The following MSR1 variants were observed in gnomAD, a reference collection of about 807,000 sequenced individuals.
MSR1 encodes macrophage scavenger receptor types I and II.
In MSR1, 53 loss-of-function variants were observed where a neutral mutation model predicts 47.2. The ratio of observed to expected loss-of-function variants is 1.12; its 90% confidence interval spans 0.90 to 1.41. The LOEUF is 1.41. Ranked by LOEUF, MSR1 falls within the 40% of genes most tolerant of loss-of-function variation. The pLI is 0.00. For missense variants in MSR1, 786 were observed against 546.9 expected (o/e 1.44, Z -4.36); for synonymous variants, 239 against 185.6 (o/e 1.29, Z -2.34).
chr8:16,138,242 T>A (rs1563146901), intron 8 of MSR1, among the ~76,000 whole-genome samples: 1 of 152,086 alleles, frequency 6.6e-6, no homozygotes, highest in African/African-American at 2.4e-5. Flanking sequence ...AAACCACATA[T>A]TGGTAATTGA....
chr8:16,175,396 G>T (rs1270001726), intron 2 of MSR1, 96 bp from the exon 3 acceptor site: 2 of 999,566 alleles, frequency 2.0e-6, no homozygotes, highest in East Asian at 2.6e-5. Flanking sequence ...TTACTACCAA[G>T]CCTATTGGAA....
At chr8:16,181,706 G>C (rs1697595378) in intron 1 of MSR1, among the ~76,000 whole-genome samples, 1 of 151,718 alleles carries the variant, frequency 6.6e-6, no homozygotes, top group African/African-American at 2.4e-5. Context: ...GTAAATGATG[G>C]GTTGATGGGT....
At chr8:16,150,853 C>CACAA (rs1800836841) in intron 6 of MSR1, among the ~76,000 whole-genome samples, 2 of 51,902 alleles carry the variant, frequency 3.9e-5, no homozygotes, top group Non-Finnish European at 1.0e-4. Context: ...TAAACATAAA[C>CACAA]ACACACACAC....
intron 1 of MSR1, chr8:16,186,359 T>C: frequency 1.6e-6 from 1 of 641,302 alleles, no homozygotes; most frequent in Non-Finnish European, 2.6e-6. Flanking sequence ...AAATATAATC[T>C]AGAAGGCTGA....
intron 4 of MSR1, among the ~76,000 whole-genome samples, chr8:16,164,482 T>A (rs1226299694): frequency 6.6e-6 from 1 of 151,948 alleles, no homozygotes; most frequent in Non-Finnish European, 1.5e-5. Flanking sequence ...CCTTCAAAAA[T>A]CAATTTAATG....
chr8:16,182,305 G>T (rs952684282), intron 1 of MSR1, among the ~76,000 whole-genome samples: 1 of 152,208 alleles, frequency 6.6e-6, no homozygotes, highest in Non-Finnish European at 1.5e-5. Flanking sequence ...GGGTGAGTCA[G>T]TGAGTGAGCG....
chr8:16,178,810 G>C (rs1801738008), intron 1 of MSR1, among the ~76,000 whole-genome samples: 1 of 152,110 alleles, frequency 6.6e-6, no homozygotes, highest in African/African-American at 2.4e-5. Flanking sequence ...ACTGGTGTGA[G>C]ATGGTATCTC....
chr8:16,148,530 C>G (rs936116837), intron 7 of MSR1, among the ~76,000 whole-genome samples: 1 of 151,868 alleles, frequency 6.6e-6, no homozygotes, highest in African/African-American at 2.4e-5. Context: ...GATCTTGGTT[C>G]ATTGCAACCT....
chr8:16,145,043 C>A (rs1800661543), intron 7 of MSR1, among the ~76,000 whole-genome samples: 1 of 152,058 alleles, frequency 6.6e-6, no homozygotes, highest in Non-Finnish European at 1.5e-5. Flanking sequence ...CAATCAGTAG[C>A]ATGAGACTTG....
chr8:16,121,238 A>C (rs1799999562), intron 8 of MSR1: 1 of 388,090 alleles, frequency 2.6e-6, no homozygotes. Flanking sequence ...CGAGATAAAA[A>C]ATCAGACAAT....
At chr8:16,113,017 C>G (rs1402165540) in intron 9 of MSR1, among the ~76,000 whole-genome samples, 1 of 137,936 alleles carries the variant, frequency 7.2e-6, no homozygotes, top group Non-Finnish European at 1.5e-5. Flanking sequence ...ATGGCGTGAT[C>G]TCGGCTCACT....
At chr8:16,164,979 G>T (rs1801264008) in intron 4 of MSR1, among the ~76,000 whole-genome samples, 1 of 151,912 alleles carries the variant, frequency 6.6e-6, no homozygotes, top group Non-Finnish European at 1.5e-5. Flanking sequence ...TTTAGAGACT[G>T]ATATTTTCAG....
At chr8:16,113,261 T>TC (rs1158179762) in intron 9 of MSR1, among the ~76,000 whole-genome samples, 1 of 150,456 alleles carries the variant, frequency 6.6e-6, no homozygotes, top group Admixed American at 6.6e-5. Flanking sequence ...TCTTCACCTC[T>TC]TTTTAAAAAA....
rs781514744 is a variant in MSR1, at chr8:16,155,048, G to C, written c.898+16C>G. The C allele has an allele frequency of 1.3e-6, 2 of 1,599,848 alleles. No individual in the cohort carries two copies. The highest frequency in any genetic ancestry group is 2.2e-5 in the South Asian group (2 of 90,744). ...TATCTTCACAGTATATGATTAAATA[G>C]CTAAAATTACCATACCTATTGGACC... On this transcript the variant is annotated intron_variant, in intron 6 of 9. Coordinates refer to ENST00000262101, the MANE Select transcript of MSR1 (RefSeq NM_138715.3).
intron 4 of MSR1, among the ~76,000 whole-genome samples, chr8:16,166,337 T>TA (rs1554471376): frequency 2.7e-5 from 4 of 150,790 alleles, no homozygotes; most frequent in Non-Finnish European, 5.9e-5. Context: ...TTTTTTTTTT[T>TA]AATTTTGTAG....
chr8:16,158,500 A>G (rs184798404), intron 5 of MSR1, among the ~76,000 whole-genome samples: 1 of 152,076 alleles, frequency 6.6e-6, no homozygotes, highest in Admixed American at 6.6e-5. Context: ...AAGTTTCCAG[A>G]GCGATGCTTC....
intron 7 of MSR1, among the ~76,000 whole-genome samples, chr8:16,149,058 G>C (rs1800775612): frequency 6.6e-6 from 1 of 152,026 alleles, no homozygotes; most frequent in Non-Finnish European, 1.5e-5. Context: ...GGAGCACAGG[G>C]GACCTTTAGG....
intron 8 of MSR1, among the ~76,000 whole-genome samples, chr8:16,127,143 A>T (rs1200333119): frequency 6.6e-6 from 1 of 152,096 alleles, no homozygotes; most frequent in Non-Finnish European, 1.5e-5. Flanking sequence ...TCCCAAGGAG[A>T]ACTTTTGGAA....
chr8:16,172,747 C>T (rs1585185804), intron 3 of MSR1, among the ~76,000 whole-genome samples: 3 of 151,922 alleles, frequency 2.0e-5, no homozygotes, highest in Admixed American at 1.3e-4. Context: ...TACACTCTGA[C>T]AGTATTTCAG....
Sources: gnomAD v4.1 joint callset for allele counts (sites outside exome capture counted in the v4.1 genomes callset) on GRCh38, gnomAD v4.1.1 for gene constraint, MANE v1.5 for transcripts, NCBI Gene and HGNC (gene_info 2026-07-23, HGNC 2026-07-21) for gene names.